STX12: variants seen among roughly 807,000 people sequenced by gnomAD.
The protein encoded by STX12 is syntaxin-12.
A neutral mutation model predicts 42.2 loss-of-function variants in STX12; 17 were observed. That is an observed-to-expected ratio of 0.40 (90% CI 0.28 to 0.60). The LOEUF is 0.60. STX12 is among the 20% of genes least tolerant of loss of function. STX12 has a pLI of 0.39. For synonymous variants in STX12, 108 were observed against 116.7 expected (o/e 0.93, Z 0.48); for missense variants, 297 against 330.9 (o/e 0.90, Z 0.79).
At chr1:27,795,328 C>T (rs1215914461) in intron 3 of STX12, among the ~76,000 whole-genome samples, 2 of 150,018 alleles carry the variant, frequency 1.3e-5, no homozygotes, top group African/African-American at 4.9e-5. Flanking sequence ...TAATTTGAGA[C>T]AGAGTCTTGC....
intron 8 of STX12, among the ~76,000 whole-genome samples, chr1:27,821,949 T>C (rs577305914): frequency 3.8e-4 from 57 of 151,790 alleles, no homozygotes; most frequent in Admixed American, 3.4e-3. Flanking sequence ...ACCTGGAAGG[T>C]GGAGGTTTCA....
intron 3 of STX12, among the ~76,000 whole-genome samples, chr1:27,798,719 G>GAA (rs983651409): frequency 2.1e-4 from 9 of 43,564 alleles, no homozygotes; most frequent in African/African-American, 5.3e-4. Flanking sequence ...CTCAAAAAAA[G>GAA]AAAAAAAAAA....
At chr1:27,780,274 A>T (rs2088659472) in intron 1 of STX12, among the ~76,000 whole-genome samples, 1 of 134,818 alleles carries the variant, frequency 7.4e-6, no homozygotes, top group Non-Finnish European at 1.5e-5. Flanking sequence ...CAGTGGGGCG[A>T]TCAGGCTCAT....
At chr1:27,806,866 G>T (rs1252323381) in intron 4 of STX12, among the ~76,000 whole-genome samples, 3 of 152,146 alleles carry the variant, frequency 2.0e-5, no homozygotes, top group Admixed American at 6.5e-5. Context: ...GAAAGAGAGT[G>T]CAGGGGAAAT....
intron 8 of STX12, among the ~76,000 whole-genome samples, chr1:27,820,706 T>C (rs898098836): frequency 1.3e-5 from 2 of 152,024 alleles, no homozygotes; most frequent in African/African-American, 4.8e-5. Context: ...ATCATGCTGC[T>C]ATAAAGACAC....
intron 5 of STX12, chr1:27,811,942 T>C (rs939970099): frequency 8.1e-6 from 5 of 620,382 alleles, no homozygotes; most frequent in African/African-American, 1.8e-5. Flanking sequence ...TTCTGCCACA[T>C]GTCAGCTTTG....
intron 3 of STX12, among the ~76,000 whole-genome samples, 160 bp downstream of exon 3, chr1:27,793,792 T>C (rs11805727): frequency 0.023 from 3,533 of 152,116 alleles, 115 homozygotes; most frequent in African/African-American, 0.079. Context: ...TATGTGACTG[T>C]TGGGGCAATA....
rs2088606935 is a variant in STX12, at chr1:27,773,245, C to G, written c.-63C>G. 2.8e-5 allele frequency: 31 copies of G among 1,126,502 alleles called. No homozygotes were observed. The South Asian group carries it at 3.9e-4, about 14-fold the overall frequency. The allele number at this position is 1,126,502 out of a possible 1,614,324, so 69.8% of individuals were successfully genotyped here. Reference sequence around the variant, plus strand: ...CCAGTTTCTCCGTCAGCCTGCGGGTCCCGGCTGGCGGCTGCTTCCGGTAGG... The same window carrying G: ...CCAGTTTCTCCGTCAGCCTGCGGGTGCCGGCTGGCGGCTGCTTCCGGTAGG... On this transcript the variant is annotated 5_prime_UTR_variant, in exon 1 of 9. Transcript: ENST00000373943.
chr1:27,819,572 T>C, intron 7 of STX12, 78 bp from the exon 8 acceptor site: 2 of 1,279,010 alleles, frequency 1.6e-6, no homozygotes, highest in Non-Finnish European at 2.2e-6. Context: ...CCAGGACATG[T>C]AACATCAGAA....
chr1:27,816,403 G>A (rs1268630301), intron 6 of STX12, among the ~76,000 whole-genome samples: 1 of 152,080 alleles, frequency 6.6e-6, no homozygotes, highest in Non-Finnish European at 1.5e-5. Flanking sequence ...AAACCCAGGG[G>A]ATGGAGGTTG....
intron 2 of STX12, 136 bp from the exon 3 acceptor site, chr1:27,793,397 C>T (rs1394280139): frequency 4.6e-6 from 3 of 652,860 alleles, no homozygotes; most frequent in Non-Finnish European, 7.9e-6. Flanking sequence ...TTGTTGTGAA[C>T]CTGGGCATCT....
rs1265151842 is a variant in STX12 at position 27,801,761 on chromosome 1, A to G, written c.372A>G (p.Val124=). The G allele has an allele frequency of 4.4e-6, 7 of 1,596,304 alleles. No individual in the cohort carries two copies. The highest frequency in any genetic ancestry group is 6.0e-6 in the Non-Finnish European group (7 of 1,173,784). ...LNNFQAVQRR[V]SEKEKESIAR... is the part of the protein sequence containing the mutation. ...ATTTCCAGGCTGTGCAGAGAAGGGTATCTGAAAAGGAAAAGGAGAGTATTG... is the reference window on the plus strand; with the variant it reads ...ATTTCCAGGCTGTGCAGAGAAGGGTGTCTGAAAAGGAAAAGGAGAGTATTG... Residue 124 remains valine (V), a synonymous_variant, in exon 4 of 9, where the codon GTA becomes GTG. Coordinates refer to ENST00000373943, the MANE Select transcript of STX12 (RefSeq NM_177424.3).
chr1:27,794,472 T>A (rs1284679553), intron 3 of STX12, among the ~76,000 whole-genome samples: 1 of 152,224 alleles, frequency 6.6e-6, no homozygotes, highest in Admixed American at 6.5e-5. Flanking sequence ...GGTTCTCTTT[T>A]CAAGTCATTT....
rs186261539 is a variant in STX12 at position 27,798,599 on chromosome 1, T to C, written c.289-3079T>C. ...GGCGGAGGTTGCAGTGAGCTGAGAT[T>C]GTGCCATTGCACTCCAGCCGGGGTG... On this transcript the variant is annotated intron_variant, in intron 3 of 8. Coordinates refer to ENST00000373943, the MANE Select transcript of STX12 (RefSeq NM_177424.3). 4.9e-3 allele frequency among the ~76,000 whole-genome samples: 720 copies of C among 145,604 alleles called. 6 individuals are homozygous for C. Among genetic ancestry groups the C allele is most frequent in the Admixed American group, 6.9e-3 (98 of 14,230 alleles).
intron 1 of STX12, among the ~76,000 whole-genome samples, chr1:27,788,915 G>A (rs537755645): frequency 6.6e-6 from 1 of 152,258 alleles, no homozygotes; most frequent in South Asian, 2.1e-4. Flanking sequence ...AGGAGGCTGA[G>A]GCAGGAGAAT....
At chr1:27,777,572 T>C (rs147886245) in intron 1 of STX12, among the ~76,000 whole-genome samples, 2 of 152,274 alleles carry the variant, frequency 1.3e-5, no homozygotes, top group South Asian at 2.1e-4. Flanking sequence ...CCATATCCTA[T>C]GACCCTAGGC....
rs1392545743 is a variant in STX12 at position 27,793,834 on chromosome 1, G to T, written c.288+202G>T. On this transcript the variant is annotated intron_variant, in intron 3 of 8. Transcript: ENST00000373943. Reference sequence around the variant, plus strand: ...ATGTACACACCAGATGTGGCAAAGTGTCTGCGTCTGGTAGGTAATCAATAT... The same window carrying T: ...ATGTACACACCAGATGTGGCAAAGTTTCTGCGTCTGGTAGGTAATCAATAT... Among the ~76,000 whole-genome samples the T allele has an allele frequency of 2.0e-5, 3 of 152,106 alleles. No homozygotes were observed. The South Asian group carries it at 6.2e-4, about 32-fold the overall frequency.
At chr1:27,818,409 G>C (rs1231206392) in intron 7 of STX12, among the ~76,000 whole-genome samples, 1 of 151,490 alleles carries the variant, frequency 6.6e-6, no homozygotes, top group Non-Finnish European at 1.5e-5. Context: ...AATGGAGTTA[G>C]TCATATCAGC....
intron 1 of STX12, among the ~76,000 whole-genome samples, chr1:27,781,691 C>A (rs898981713): frequency 4.6e-5 from 7 of 152,034 alleles, no homozygotes; most frequent in Non-Finnish European, 7.4e-5. Context: ...ATTATATATT[C>A]TTTAATTAAT....
Sources: allele counts gnomAD v4.1 joint callset (sites outside exome capture counted in the v4.1 genomes callset), GRCh38; gene constraint gnomAD v4.1.1; transcripts MANE v1.5; gene names NCBI Gene and HGNC (gene_info 2026-07-23, HGNC 2026-07-21).